TNRC18: variants seen among roughly 807,000 people sequenced by gnomAD.
TNRC18 encodes trinucleotide repeat-containing gene 18 protein.
TNRC18 carries 69 observed loss-of-function variants against 226.7 expected under a neutral mutation model. The ratio of observed to expected loss-of-function variants is 0.30; its 90% CI spans 0.25 to 0.37. The LOEUF is 0.37. TNRC18 is among the 10% of genes least tolerant of loss of function. TNRC18 has a pLI of 1.00. For missense variants in TNRC18, 4,754 were observed against 4,256.6 expected (o/e 1.12, Z -3.25); for synonymous variants, 2,449 against 1,927.6 (o/e 1.27, Z -7.09).
At chr7:5,327,002 T>C (rs1480038844) in intron 19 of TNRC18, among the ~76,000 whole-genome samples, 1 of 151,926 alleles carries the variant, frequency 6.6e-6, no homozygotes, top group East Asian at 1.9e-4. Flanking sequence ...CACACGCCTG[T>C]AGTCCCAGCT....
chr7:5,321,030 T>C (rs747591182), intron 22 of TNRC18, 43 bp downstream of exon 22: 6 of 1,382,206 alleles, frequency 4.3e-6, no homozygotes, highest in Non-Finnish European at 6.0e-6. Context: ...ACGGGGCGGG[T>C]ATGGGACACG....
chr7:5,418,923 C>T (rs1782361020), intron 2 of TNRC18, among the ~76,000 whole-genome samples: 1 of 152,304 alleles, frequency 6.6e-6, no homozygotes, highest in East Asian at 1.9e-4. Context: ...CTTGCGGCTA[C>T]TCGAAGTGGG....
chr7:5,330,230 C>A (rs1376696295), intron 19 of TNRC18, among the ~76,000 whole-genome samples: 1 of 152,030 alleles, frequency 6.6e-6, no homozygotes, highest in Admixed American at 6.6e-5. Flanking sequence ...CTGCAAACAG[C>A]CTTTTTCTTT....
Position 5,377,632 on chromosome 7 carries a change from G to A in TNRC18, c.2256-56C>T. ...GCTCGGACAGCCCAGGGGACGAGAG[G>A]GAGAAGCGGGGTTGCCCCAAGGAAC... is the stretch of plus-strand genomic sequence containing the variant. On this transcript the variant is annotated intron_variant, in intron 6 of 29. Transcript: ENST00000430969. This position sits in a 1 kb window ranked among gnomAD's most constrained non-coding sequence, Gnocchi z 5.8. The A allele has an allele frequency of 3.3e-6, 5 of 1,507,966 alleles. No homozygotes were observed. The highest frequency in any genetic ancestry group is 4.5e-6 in the Non-Finnish European group (5 of 1,114,384). 93.4% of individuals were successfully genotyped at this position (1,507,966 alleles called of 1,614,324 possible).
intron 2 of TNRC18, chr7:5,420,428 T>C (rs1188798391): frequency 2.2e-6 from 1 of 454,762 alleles, no homozygotes; most frequent in Non-Finnish European, 4.4e-6. Context: ...AGGGCCGGGG[T>C]CGCCGCCCTC....
intron 5 of TNRC18, among the ~76,000 whole-genome samples, chr7:5,385,493 T>C (rs1437494876): frequency 4.7e-5 from 1 of 21,490 alleles, no homozygotes; most frequent in Non-Finnish European, 8.6e-5. Context: ...AGACTCCGTC[T>C]CAAAAAAAAA....
rs192541605 is a variant in TNRC18, at chr7:5,378,609, G to A, written c.2153-585C>T. Among the ~76,000 whole-genome samples, 204 of 151,648 alleles carry A rather than the reference G, an allele frequency of 1.3e-3. 2 individuals are homozygous for A. The highest frequency in any genetic ancestry group is 1.9e-3 in the Non-Finnish European group (130 of 67,878). On this transcript the variant is annotated intron_variant, in intron 5 of 29. Coordinates refer to ENST00000430969, the MANE Select transcript of TNRC18 (RefSeq NM_001080495.3). The stretch of plus-strand genomic sequence containing the variant: ...AGTTTTTTGTATTTTTAGTAGAGAC[G>A]GGGCTTCACCGTGTTAGCCAGGATG...
chr7:5,326,700 G>A (rs1788944542), intron 19 of TNRC18, among the ~76,000 whole-genome samples: 2 of 152,066 alleles, frequency 1.3e-5, no homozygotes, highest in Non-Finnish European at 2.9e-5. Context: ...TCAGCTACTC[G>A]GGTGGCTGAG....
At chr7:5,344,842 G>A (rs997821142) in intron 18 of TNRC18, among the ~76,000 whole-genome samples, 7 of 152,206 alleles carry the variant, frequency 4.6e-5, no homozygotes, top group Admixed American at 1.3e-4. Flanking sequence ...GAGGGCCCAC[G>A]AGAGGGTCCC....
chr7:5,371,820 C>G (rs1276662062), intron 10 of TNRC18, among the ~76,000 whole-genome samples: 5 of 152,112 alleles, frequency 3.3e-5, no homozygotes, highest in Non-Finnish European at 7.4e-5. Flanking sequence ...CCTGTAATCC[C>G]AGCACTTTAG....
intron 1 of TNRC18, among the ~76,000 whole-genome samples, chr7:5,421,899 G>A (rs943790134): frequency 2.0e-5 from 3 of 149,114 alleles, no homozygotes; most frequent in African/African-American, 5.2e-5. Context: ...CAAACGGTCC[G>A]AAGTGTCTCC....
rs1345142017 is a variant in TNRC18, at chr7:5,307,196, C to T, written c.*910G>A. 5 of 94,368 alleles carry T rather than the reference C, an allele frequency of 5.3e-5. No homozygotes were observed. The highest frequency in any genetic ancestry group is 1.1e-4 in the Non-Finnish European group (5 of 46,198). 5.8% of individuals were successfully genotyped at this position (94,368 alleles called of 1,614,324 possible). A position where few individuals can be genotyped will look rare whatever the true frequency, so the allele number is the denominator to read the frequency against. ...ACAGGAAATAAAAAATAATATTCTG[C>T]ACGTCAGAATGTTTTTTTTTATAAT... On this transcript the variant is annotated 3_prime_UTR_variant, in exon 30 of 30. Transcript: ENST00000430969.
rs1330829001 is a variant in TNRC18, at chr7:5,357,105, A to G, written c.5005T>C (p.Tyr1669His). 3 of 1,552,630 alleles carry G rather than the reference A, an allele frequency of 1.9e-6. No individual in the cohort carries two copies. The highest frequency in any genetic ancestry group is 1.7e-6 in the Non-Finnish European group (2 of 1,147,392). The change falls in exon 16 of 30, where the codon TAC (tyrosine) becomes CAC (histidine). Residue 1669 changes from tyrosine (Y) to histidine (H), a missense_variant. By Grantham distance (83) the Tyr-to-His change is moderately conservative. Coordinates refer to ENST00000430969, the MANE Select transcript of TNRC18 (RefSeq NM_001080495.3). ...SGGCGRYLTP[Y>H]DSLLGKNRKA... ...CTGTTCTTCCCCAGCAGGCTGTCGT[A>G]AGGAGTCAAGTACCTGCCGCAGCCC...
chr7:5,409,387 T>C (rs1157809837), intron 2 of TNRC18, among the ~76,000 whole-genome samples: 1 of 150,200 alleles, frequency 6.7e-6, no homozygotes, highest in Non-Finnish European at 1.5e-5. Flanking sequence ...TTATAAGAGC[T>C]CTTGGGACAT....
Position 5,308,929 on chromosome 7 carries a change from G to A in TNRC18, c.8646C>T (p.Ser2882=), listed in dbSNP as rs1400945757. The change falls in exon 29 of 30, where the codon AGC becomes AGT. Residue 2882 remains serine (S), a synonymous_variant. Coordinates refer to ENST00000430969, the MANE Select transcript of TNRC18 (RefSeq NM_001080495.3). ...CCCGCAGGGCCGCCGGGAGGCTGCG[G>A]CTGGACTTCTGGTCCCAGTGCTGTG... ...HQGQHWDQKS[S]RSLPAALRVS... 8 of 1,605,828 alleles carry A rather than the reference G, an allele frequency of 5.0e-6. No individual in the cohort carries two copies. Among genetic ancestry groups the A allele is most frequent in the Non-Finnish European group, 6.8e-6 (8 of 1,177,746 alleles).
rs1562566306 is a variant in TNRC18 at position 5,371,266 on chromosome 7, A to C, written c.3328T>G (p.Leu1110Val). ...GCCGGGAGCGGCACATCAGGGGCCA[A>C]GCCGTCCGCGTCGGCGGCGGCCGTG... Reference protein sequence around the residue: ...QPTAAADADGLAPDVPLPADG... With the variant: ...QPTAAADADGVAPDVPLPADG... The change falls in exon 11 of 30, where the codon TTG (leucine) becomes GTG (valine). Residue 1110 changes from leucine to valine, a missense_variant. Leu to Val is a conservative substitution (Grantham distance 32). Transcript: ENST00000430969. The C allele has an allele frequency of 6.3e-7, 1 of 1,596,066 alleles. No individual in the cohort carries two copies. Among genetic ancestry groups the C allele is most frequent in the Non-Finnish European group, 8.5e-7 (1 of 1,170,244 alleles).
intron 27 of TNRC18, among the ~76,000 whole-genome samples, chr7:5,311,997 G>A (rs1454471167): frequency 1.3e-5 from 2 of 151,952 alleles, no homozygotes; most frequent in African/African-American, 2.4e-5. Flanking sequence ...TTAGCCAGGC[G>A]TGGTGGCGTG....
intron 2 of TNRC18, among the ~76,000 whole-genome samples, chr7:5,418,889 C>T (rs2128224013): frequency 6.6e-6 from 1 of 152,314 alleles, no homozygotes; most frequent in South Asian, 2.1e-4. Flanking sequence ...TGGCTCTGGG[C>T]GTTGGCCTGG....
At chr7:5,383,099 A>G (rs1318589422) in intron 5 of TNRC18, among the ~76,000 whole-genome samples, 4 of 151,942 alleles carry the variant, frequency 2.6e-5, no homozygotes, top group African/African-American at 9.7e-5. Flanking sequence ...TCGGGGTTTC[A>G]CTATGTTGCC....
Sources: gnomAD v4.1 joint callset for allele counts (sites outside exome capture counted in the v4.1 genomes callset) on GRCh38, gnomAD v4.1.1 for gene constraint, Gnocchi (gnomAD v3.1) non-coding constraint, MANE v1.5 for transcripts, NCBI Gene and HGNC (gene_info 2026-07-23, HGNC 2026-07-21) for gene names.